The following UBE4B variants were observed in gnomAD, a reference collection of about 807,000 sequenced individuals.
The protein encoded by UBE4B is ubiquitin conjugation factor E4 B.
Under a neutral mutation model 148.1 loss-of-function variants are expected in UBE4B, and 27 were observed. The observed-to-expected ratio is 0.18, with a 90% CI of 0.13 to 0.25. The LOEUF is 0.25. UBE4B is among the 10% of genes least tolerant of loss of function. The probability of loss-of-function intolerance (pLI) is 1.00; values close to 1 mark genes in which losing one functional copy is unlikely to be tolerated. For missense variants in UBE4B, 1,170 were observed against 1,662.4 expected (o/e 0.70, Z 5.15); for synonymous variants, 596 against 619.3 (o/e 0.96, Z 0.56).
intron 25 of UBE4B, among the ~76,000 whole-genome samples, chr1:10,173,461 G>A (rs1473107268): frequency 6.8e-6 from 1 of 147,202 alleles, no homozygotes; most frequent in East Asian, 1.9e-4. Flanking sequence ...CAGCCTGGGC[G>A]ACAGAGCAAG....
intron 10 of UBE4B, among the ~76,000 whole-genome samples, chr1:10,126,465 A>G (rs901660633): frequency 1.3e-5 from 2 of 152,206 alleles, no homozygotes; most frequent in Non-Finnish European, 2.9e-5. Flanking sequence ...GAGTAGAGCA[A>G]CGACTCCTGG....
intron 2 of UBE4B, among the ~76,000 whole-genome samples, chr1:10,084,912 G>C (rs1026691721): frequency 6.6e-6 from 1 of 151,446 alleles, no homozygotes; most frequent in African/African-American, 2.4e-5. Flanking sequence ...CCATGTTGGT[G>C]ATGCTGGTCT....
intron 1 of UBE4B, among the ~76,000 whole-genome samples, chr1:10,036,356 A>T (rs1207889688): frequency 6.6e-6 from 1 of 152,174 alleles, no homozygotes; most frequent in Non-Finnish European, 1.5e-5. Flanking sequence ...AATGAAAAAA[A>T]TTAAATTCAC....
chr1:10,089,701 A>ATT (rs113644846), intron 2 of UBE4B, among the ~76,000 whole-genome samples: 16 of 142,264 alleles, frequency 1.1e-4, no homozygotes, highest in Non-Finnish European at 1.5e-4. Flanking sequence ...TACTTTTGTA[A>ATT]TTTTTTTTTT....
At chr1:10,042,867 C>T (rs1212656978) in intron 1 of UBE4B, among the ~76,000 whole-genome samples, 1 of 151,984 alleles carries the variant, frequency 6.6e-6, no homozygotes, top group East Asian at 1.9e-4. Context: ...AGAATGTTCC[C>T]AGGTAAAGGG....
intron 18 of UBE4B, 149 bp from the exon 19 acceptor site, chr1:10,146,814 A>G: frequency 1.0e-6 from 1 of 974,378 alleles, no homozygotes; most frequent in Non-Finnish European, 1.5e-6. Context: ...CTTGAGACAC[A>G]ACCAGCATCT....
At chr1:10,050,217 A>C (rs1160275067) in intron 1 of UBE4B, among the ~76,000 whole-genome samples, 1 of 152,118 alleles carries the variant, frequency 6.6e-6, no homozygotes, top group East Asian at 1.9e-4. Flanking sequence ...GATTACAGGC[A>C]TGCACCACCA....
intron 2 of UBE4B, among the ~76,000 whole-genome samples, chr1:10,082,457 T>C (rs1050546631): frequency 6.6e-6 from 1 of 151,902 alleles, no homozygotes; most frequent in African/African-American, 2.4e-5. Context: ...GCCGAAATTG[T>C]GCCATGCACT....
chr1:10,056,189 C>G (rs1208490436), intron 1 of UBE4B, among the ~76,000 whole-genome samples: 1 of 152,150 alleles, frequency 6.6e-6, no homozygotes, highest in African/African-American at 2.4e-5. Context: ...GGCTCTTGAT[C>G]TTTTTGGTTT....
intron 1 of UBE4B, among the ~76,000 whole-genome samples, chr1:10,063,132 G>A (rs1055716272): frequency 2.0e-5 from 3 of 152,124 alleles, no homozygotes; most frequent in African/African-American, 4.8e-5. Context: ...GCTGGGTGTG[G>A]TGGCGCATGC....
Position 10,171,209 on chromosome 1 carries a change from C to T in UBE4B, c.3405C>T (p.Asp1135=), listed in dbSNP as rs1646333874. The change falls in exon 25 of 28, where the codon GAC becomes GAT. Residue 1135 remains aspartate, a synonymous_variant. Coordinates refer to ENST00000343090, the MANE Select transcript of UBE4B (RefSeq NM_001105562.3). The stretch of plus-strand genomic sequence containing the variant: ...AACTTTGTGGCCCCAAGTGCCGTGA[C>T]CTGAAAGTTGAAAACCCTGAGAAAT... The part of the protein sequence containing the change: ...LQQLCGPKCR[D]LKVENPEKYG... 2.5e-6 allele frequency: 4 copies of T among 1,614,034 alleles called. No individual in the cohort carries two copies. The highest frequency in any genetic ancestry group is 1.3e-5 in the African/African-American group (1 of 74,916).
intron 25 of UBE4B, among the ~76,000 whole-genome samples, chr1:10,175,496 A>T: frequency 9.3e-6 from 1 of 106,992 alleles, no homozygotes; most frequent in Non-Finnish European, 1.8e-5. Context: ...CTAAAAATAC[A>T]AAAAATTAGC....
At chr1:10,117,279 G>T (rs1046754344) in intron 7 of UBE4B, among the ~76,000 whole-genome samples, 180 bp from the exon 8 acceptor site, 2 of 152,174 alleles carry the variant, frequency 1.3e-5, no homozygotes, top group African/African-American at 4.8e-5. Flanking sequence ...GTTACCAAAA[G>T]TTACTATTGT....
At chr1:10,048,783 G>A (rs1397660215) in intron 1 of UBE4B, among the ~76,000 whole-genome samples, 1 of 152,212 alleles carries the variant, frequency 6.6e-6, no homozygotes, top group African/African-American at 2.4e-5. Context: ...GGAGGAGAGG[G>A]GAGGGAGCTC....
intron 25 of UBE4B, among the ~76,000 whole-genome samples, chr1:10,177,665 A>G (rs1646447716): frequency 1.3e-5 from 2 of 151,752 alleles, no homozygotes; most frequent in South Asian, 4.1e-4. Flanking sequence ...CAAAATATAT[A>G]TATATATTTA....
At chr1:10,082,450 G>A (rs1188679774) in intron 2 of UBE4B, among the ~76,000 whole-genome samples, 4 of 151,992 alleles carry the variant, frequency 2.6e-5, no homozygotes, top group Admixed American at 2.6e-4. Flanking sequence ...GCAGTGAGCC[G>A]AAATTGTGCC....
At chr1:10,045,077 C>T (rs1042665633) in intron 1 of UBE4B, among the ~76,000 whole-genome samples, 32 of 152,132 alleles carry the variant, frequency 2.1e-4, no homozygotes, top group Admixed American at 1.9e-3. Context: ...AGATCCCTCG[C>T]GTGCAGAACT....
intron 2 of UBE4B, chr1:10,072,729 G>T: frequency 2.3e-6 from 1 of 441,156 alleles, no homozygotes; most frequent in Non-Finnish European, 4.0e-6. Context: ...TAAATGAGCT[G>T]ATGCTTGATA....
At chr1:10,122,180 G>A in intron 10 of UBE4B, 104 bp downstream of exon 10, 2 of 696,214 alleles carry the variant, frequency 2.9e-6, no homozygotes, top group South Asian at 2.0e-5. Flanking sequence ...GAACATCCAT[G>A]TGTTATTAGA....
Sources: allele counts gnomAD v4.1 joint callset (sites outside exome capture counted in the v4.1 genomes callset), GRCh38; gene constraint gnomAD v4.1.1; transcripts MANE v1.5; gene names NCBI Gene and HGNC (gene_info 2026-07-23, HGNC 2026-07-21).